C16orf87: variants seen among roughly 807,000 people sequenced by gnomAD.
C16orf87 encodes the protein UPF0547 protein C16orf87.
In C16orf87, 13 loss-of-function variants were observed where a neutral mutation model predicts 21.0. That is an observed-to-expected ratio of 0.62 (90% CI 0.40 to 0.98). C16orf87 has a LOEUF of 0.98. Ranked by LOEUF, C16orf87 falls within the 50% of genes least tolerant of loss-of-function variation. The probability of loss-of-function intolerance (pLI) is 0.00; values close to 1 mark genes in which losing one functional copy is unlikely to be tolerated. For synonymous variants in C16orf87, 49 were observed against 60.2 expected (o/e 0.81, Z 0.86); for missense variants, 113 against 180.4 (o/e 0.63, Z 2.14).
chr16:46,829,780 T>G (rs1055927807), intron 1 of C16orf87, among the ~76,000 whole-genome samples: 2 of 152,166 alleles, frequency 1.3e-5, no homozygotes, highest in Non-Finnish European at 2.9e-5. Context: ...TGATAAGCAT[T>G]TTTACTACAG....
chr16:46,816,218 C>T (rs181438301), intron 2 of C16orf87, among the ~76,000 whole-genome samples: 2 of 152,058 alleles, frequency 1.3e-5, no homozygotes, highest in Non-Finnish European at 2.9e-5. Flanking sequence ...ATGGTGGTTG[C>T]CTGGGGTATG....
chr16:46,824,417 T>C lies in C16orf87; in HGVS notation c.132A>G (p.Ala44=). Residue 44 remains alanine, a synonymous_variant, in exon 2 of 4, where the codon GCA becomes GCG. Coordinates refer to ENST00000285697, the MANE Select transcript of C16orf87 (RefSeq NM_001001436.4). ...YIFISRKLLN[A]KHSEKSPPST... is the part of the protein sequence containing the mutation. ...AAGGTGGTGATTTCTCTGAGTGTTT[T>C]GCATTTAAAAGTTTTCTGCTAATAA... 6.4e-7 allele frequency: 1 copy of C among 1,566,302 alleles called. No homozygotes were observed. The highest frequency in any genetic ancestry group is 8.8e-7 in the Non-Finnish European group (1 of 1,142,844).
intron 1 of C16orf87, 140 bp from the exon 2 acceptor site, chr16:46,824,622 A>T: frequency 2.3e-6 from 1 of 438,974 alleles, no homozygotes; most frequent in Non-Finnish European, 4.0e-6. Context: ...ACTCCTTACA[A>T]CAAATTATCT....
intron 2 of C16orf87, among the ~76,000 whole-genome samples, chr16:46,811,906 T>G (rs942069824): frequency 5.9e-5 from 9 of 152,106 alleles, no homozygotes; most frequent in African/African-American, 2.2e-4. Context: ...CTGGGCCACA[T>G]AGCAAGACCC....
chr16:46,827,848 G>T (rs1959676357), intron 1 of C16orf87, among the ~76,000 whole-genome samples: 1 of 150,824 alleles, frequency 6.6e-6, no homozygotes, highest in Non-Finnish European at 1.5e-5. Context: ...CTTCCAAAGT[G>T]CTGGGATTAC....
intron 2 of C16orf87, among the ~76,000 whole-genome samples, 157 bp from the exon 3 acceptor site, chr16:46,809,942 C>G (rs756137609): frequency 1.3e-5 from 2 of 151,968 alleles, no homozygotes; most frequent in Non-Finnish European, 2.9e-5. Flanking sequence ...TCCCCCACAC[C>G]CTCATAAGAA....
At chr16:46,808,116 G>A (rs1261547128) in intron 3 of C16orf87, 8 of 455,560 alleles carry the variant, frequency 1.8e-5, no homozygotes, top group South Asian at 6.2e-5. Flanking sequence ...AGGAGTCCTC[G>A]GCATAGGTTT....
chr16:46,816,030 C>T (rs555169291), intron 2 of C16orf87, among the ~76,000 whole-genome samples: 16 of 152,130 alleles, frequency 1.1e-4, no homozygotes, highest in Non-Finnish European at 2.1e-4. Context: ...ATGGCATATA[C>T]ATACAATGGA....
intron 2 of C16orf87, among the ~76,000 whole-genome samples, chr16:46,818,690 TTTC>T (rs1466519108): frequency 6.6e-6 from 1 of 152,172 alleles, no homozygotes; most frequent in Non-Finnish European, 1.5e-5. Context: ...TAATTAAAAT[TTTC>T]TTCTTTTTAA....
intron 2 of C16orf87, among the ~76,000 whole-genome samples, chr16:46,812,984 C>T (rs1968139791): frequency 6.6e-6 from 1 of 152,162 alleles, no homozygotes; most frequent in Non-Finnish European, 1.5e-5. Context: ...TCCTAATCGC[C>T]TTTGCTGTGT....
intron 1 of C16orf87, among the ~76,000 whole-genome samples, chr16:46,830,404 A>G (rs1959809568): frequency 6.6e-6 from 1 of 152,054 alleles, no homozygotes; most frequent in Non-Finnish European, 1.5e-5. Context: ...GGAAGTTAGG[A>G]GCGCCCAAAA....
Position 46,815,407 on chromosome 16 carries a change from A to G in C16orf87, c.164-5622T>C, listed in dbSNP as rs187267614. 4.6e-5 allele frequency among the ~76,000 whole-genome samples: 7 copies of G among 152,114 alleles called. No individual in the cohort carries two copies. The East Asian group carries it at 9.6e-4, about 21-fold the overall frequency. On this transcript the variant is annotated intron_variant, in intron 2 of 3. Transcript: ENST00000285697. ...AAAAAAAACAGACAAAATGGACTTC[A>G]TCAAAATTAAACTTCTGTGTATCAA... is the stretch of plus-strand genomic sequence containing the variant.
intron 1 of C16orf87, 101 bp from the exon 2 acceptor site, chr16:46,824,583 G>C: frequency 2.0e-6 from 1 of 502,836 alleles, no homozygotes. Context: ...ATTACTTGAA[G>C]GAGGAATCAT....
At chr16:46,831,028 G>T in intron 1 of C16orf87, 56 bp downstream of exon 1, 1 of 1,451,714 alleles carries the variant, frequency 6.9e-7, no homozygotes, top group Non-Finnish European at 9.4e-7. Context: ...CCCCTCCACA[G>T]ACAACGGCCG....
chr16:46,804,243 A>G (rs811734), intron 3 of C16orf87, among the ~76,000 whole-genome samples: 150,074 of 152,330 alleles, frequency 0.99, 73,957 homozygotes, highest in East Asian at 1. Flanking sequence ...GTATGAAATG[A>G]TTGCTCTCTA....
chr16:46,816,246 T>C (rs1187177549), intron 2 of C16orf87, among the ~76,000 whole-genome samples: 1 of 152,170 alleles, frequency 6.6e-6, no homozygotes, highest in African/African-American at 2.4e-5. Context: ...AGGAAGTGGC[T>C]GTCATTGTTT....
At chr16:46,817,991 C>G (rs961702681) in intron 2 of C16orf87, among the ~76,000 whole-genome samples, 1 of 147,644 alleles carries the variant, frequency 6.8e-6, no homozygotes, top group Non-Finnish European at 1.5e-5. Context: ...ATGTACAGCA[C>G]TTTTATGCAA....
At chr16:46,828,774 A>C (rs72812417) in intron 1 of C16orf87, among the ~76,000 whole-genome samples, 3 of 152,352 alleles carry the variant, frequency 2.0e-5, no homozygotes, top group South Asian at 2.1e-4. Context: ...GCAGTATTCT[A>C]ATGTTTAGAA....
At chr16:46,813,435 A>G (rs1596814138) in intron 2 of C16orf87, among the ~76,000 whole-genome samples, 1 of 150,998 alleles carries the variant, frequency 6.6e-6, no homozygotes, top group African/African-American at 2.4e-5. Flanking sequence ...CACAGGCAAC[A>G]TCCCAGTCAA....
Sources: allele counts gnomAD v4.1 joint callset (sites outside exome capture counted in the v4.1 genomes callset), GRCh38; gene constraint gnomAD v4.1.1; transcripts MANE v1.5; gene names NCBI Gene and HGNC (gene_info 2026-07-23, HGNC 2026-07-21).